The following CDC25A variants were observed in gnomAD, a reference collection of about 807,000 sequenced individuals.
CDC25A encodes the protein cell division cycle 25A.
CDC25A carries 17 observed loss-of-function variants against 64.6 expected under a neutral mutation model. The observed-to-expected ratio is 0.26, with a 90% CI of 0.18 to 0.39. CDC25A has a LOEUF of 0.39. Among genes scored for constraint, CDC25A ranks in the 10% least tolerant of loss-of-function variants. The pLI, the probability that CDC25A is intolerant of heterozygous loss-of-function variation, is 1.00. For synonymous variants in CDC25A, 229 were observed against 238.6 expected, an observed-to-expected ratio of 0.96 and a Z score of 0.37; for missense variants, 473 against 654.8, an observed-to-expected ratio of 0.72 and a Z score of 3.03.
chr3:48,164,980 T>C (rs974819231), intron 12 of CDC25A, among the ~76,000 whole-genome samples: 8 of 149,784 alleles, frequency 5.3e-5, no homozygotes, highest in Admixed American at 2.7e-4. Flanking sequence ...CGTGGCAGCG[T>C]GCACCTGTAG....
At chr3:48,161,657 T>C (rs1373015058) in intron 13 of CDC25A, among the ~76,000 whole-genome samples, 1 of 151,978 alleles carries the variant, frequency 6.6e-6, no homozygotes, top group Admixed American at 6.6e-5. Flanking sequence ...TACAGTGAGC[T>C]GTGCTCCTGC....
chr3:48,160,348 A>T (rs2031699240), intron 13 of CDC25A, among the ~76,000 whole-genome samples: 2 of 146,888 alleles, frequency 1.4e-5, no homozygotes, highest in Non-Finnish European at 3.0e-5. Flanking sequence ...TGACCTTGTG[A>T]TCCACCTGCC....
chr3:48,164,490 T>G (rs1359362797), intron 12 of CDC25A, 53 bp from the exon 13 acceptor site: 2 of 1,431,900 alleles, frequency 1.4e-6, no homozygotes, highest in Non-Finnish European at 1.8e-6. Context: ...CATGAAGTAA[T>G]GATTCAGCAA....
intron 2 of CDC25A, among the ~76,000 whole-genome samples, chr3:48,185,317 G>C (rs762875515): frequency 6.6e-6 from 1 of 151,814 alleles, no homozygotes; most frequent in Non-Finnish European, 1.5e-5. Flanking sequence ...TGGGGAGGCT[G>C]GAGTGGGAGG....
intron 7 of CDC25A, among the ~76,000 whole-genome samples, 170 bp downstream of exon 7, chr3:48,177,684 T>C (rs1205433559): frequency 6.6e-6 from 1 of 152,214 alleles, no homozygotes; most frequent in African/African-American, 2.4e-5. Context: ...CCAAAGGATT[T>C]AATAAGGCTG....
rs3731554 is a variant in CDC25A, at chr3:48,164,632, C to T, written c.1192-195G>A. The stretch of plus-strand genomic sequence containing the variant: ...CAATGGAGCTTTGTGGGTCCGTACA[C>T]GTTCATCATACAGTAATGCACATGG... On this transcript the variant is annotated intron_variant, in intron 12 of 14. Coordinates refer to ENST00000302506, the MANE Select transcript of CDC25A (RefSeq NM_001789.3). Among the ~76,000 whole-genome samples, 295 of 152,158 alleles carry T rather than the reference C, an allele frequency of 1.9e-3. 8 individuals carry two copies. In the East Asian group the frequency reaches 0.052, roughly 27 times the overall value.
intron 5 of CDC25A, chr3:48,181,443 T>C: frequency 1.6e-6 from 1 of 642,858 alleles, no homozygotes; most frequent in Non-Finnish European, 2.8e-6. Flanking sequence ...ACTTAAGAAC[T>C]CATAATTAAG....
intron 13 of CDC25A, 123 bp from the exon 14 acceptor site, chr3:48,159,578 A>G: frequency 1.5e-6 from 1 of 660,670 alleles, no homozygotes. Flanking sequence ...CTTGACATTT[A>G]TTCTTAGAAA....
At chr3:48,187,005 T>C (rs1179063311) in intron 1 of CDC25A, among the ~76,000 whole-genome samples, 1 of 152,168 alleles carries the variant, frequency 6.6e-6, no homozygotes, top group African/African-American at 2.4e-5. Flanking sequence ...ACATTGCAGG[T>C]TATGATGGCT....
In CDC25A at chr3:48,173,152, A is replaced by G. The variant is rs2032330523; in HGVS notation, c.930+1132T>C. 4.7e-5 allele frequency among the ~76,000 whole-genome samples: 7 copies of G among 148,180 alleles called. No individual in the cohort carries two copies. In the South Asian group the frequency reaches 1.5e-3, roughly 32 times the overall value. On this transcript the variant is annotated intron_variant, in intron 9 of 14. Coordinates refer to ENST00000302506, the MANE Select transcript of CDC25A (RefSeq NM_001789.3). Reference sequence around the variant, plus strand: ...AGAATGGCATGAACCCGGGAGGCAGAGCTTGCAGTGAGCTGAGATCGCGCC... The same window carrying G: ...AGAATGGCATGAACCCGGGAGGCAGGGCTTGCAGTGAGCTGAGATCGCGCC...
chr3:48,183,423 A>C (rs2032736975), intron 4 of CDC25A, among the ~76,000 whole-genome samples: 1 of 152,224 alleles, frequency 6.6e-6, no homozygotes, highest in Admixed American at 6.5e-5. Context: ...GGCTGGGAAT[A>C]GTGGCTCTTG....
intron 9 of CDC25A, among the ~76,000 whole-genome samples, 177 bp downstream of exon 9, chr3:48,174,107 A>G (rs2032366153): frequency 6.6e-6 from 1 of 152,142 alleles, no homozygotes; most frequent in South Asian, 2.1e-4. Context: ...CAGCGTGGGC[A>G]ACATCGCTAG....
Position 48,183,786 on chromosome 3 carries a change from A to AG in CDC25A, c.327+13dup. The AG allele has an allele frequency of 6.5e-7, 1 of 1,546,824 alleles. No individual in the cohort carries two copies. The highest frequency in any genetic ancestry group is 8.9e-7 in the Non-Finnish European group (1 of 1,119,580). On this transcript the variant is annotated intron_variant, in intron 4 of 14. Coordinates refer to ENST00000302506, the MANE Select transcript of CDC25A (RefSeq NM_001789.3). Reference sequence around the variant, plus strand: ...AACAGGTATTAGCTCAAAATAAACAAGGAACTAACTTACAGGTAGGGAATG... The same window carrying AG: ...AACAGGTATTAGCTCAAAATAAACAAGGGAACTAACTTACAGGTAGGGAATG...
At chr3:48,162,037 G>A (rs902488005) in intron 13 of CDC25A, among the ~76,000 whole-genome samples, 14 of 152,126 alleles carry the variant, frequency 9.2e-5, no homozygotes, top group African/African-American at 3.1e-4. Flanking sequence ...CTCCAGTCTG[G>A]GTGGCAGAGC....
Position 48,180,860 on chromosome 3 carries a change from C to T in CDC25A, c.430-20G>A. 6.2e-7 allele frequency: 1 copy of T among 1,613,118 alleles called. No individual in the cohort carries two copies. Reference sequence around the variant, plus strand: ...GGCTTCCTGCAAGACATAGTTGAGACATCTACTGTCCATGAAAACCAACTC... The same window carrying T: ...GGCTTCCTGCAAGACATAGTTGAGATATCTACTGTCCATGAAAACCAACTC... On this transcript the variant is annotated intron_variant, in intron 5 of 14. Coordinates refer to ENST00000302506, the MANE Select transcript of CDC25A (RefSeq NM_001789.3).
At chr3:48,176,936 A>G (rs980322212) in intron 8 of CDC25A, among the ~76,000 whole-genome samples, 1 of 151,756 alleles carries the variant, frequency 6.6e-6, no homozygotes, top group African/African-American at 2.4e-5. Flanking sequence ...GTGCCACTGC[A>G]CTCTAGAATG....
Position 48,158,648 on chromosome 3 carries a change from G to A in CDC25A, c.*297C>T. 1 of 282,242 alleles carries A rather than the reference G, an allele frequency of 3.5e-6. No individual in the cohort carries two copies. Among genetic ancestry groups the A allele is most frequent in the Non-Finnish European group, 6.7e-6 (1 of 149,104 alleles). 17.5% of individuals were successfully genotyped at this position (282,242 alleles called of 1,614,324 possible). On this transcript the variant is annotated 3_prime_UTR_variant, in exon 15 of 15. Transcript: ENST00000302506. ...CATGAGATGGCTGGAGCCCGATAAG[G>A]CCCCGGCTGGTTCATCCCACTGTGG...
chr3:48,163,068 G>C (rs1007006079), intron 13 of CDC25A, among the ~76,000 whole-genome samples: 1 of 152,052 alleles, frequency 6.6e-6, no homozygotes, highest in East Asian at 1.9e-4. Flanking sequence ...GATCACCTGA[G>C]GTCAGGAGTT....
chr3:48,169,592 T>C (rs560387165), intron 9 of CDC25A, among the ~76,000 whole-genome samples: 3 of 152,376 alleles, frequency 2.0e-5, no homozygotes, highest in South Asian at 4.1e-4. Flanking sequence ...AAGAGACCTA[T>C]TGACCAACTA....
Sources: allele counts gnomAD v4.1 joint callset (sites outside exome capture counted in the v4.1 genomes callset), GRCh38; gene constraint gnomAD v4.1.1; transcripts MANE v1.5; gene names NCBI Gene and HGNC (gene_info 2026-07-23, HGNC 2026-07-21).